The following XIRP2 variants were observed in gnomAD, a reference collection of about 807,000 sequenced individuals.
XIRP2 encodes the protein xin actin-binding repeat-containing protein 2.
Under a neutral mutation model 277.0 loss-of-function variants are expected in XIRP2, and 236 were observed. The ratio of observed to expected loss-of-function variants is 0.85; its 90% CI spans 0.77 to 0.95. XIRP2 has a LOEUF of 0.95. Among genes scored for constraint, XIRP2 ranks in the 40% least tolerant of loss-of-function variants. The pLI, the probability that XIRP2 is intolerant of heterozygous loss-of-function variation, is 0.00. For synonymous variants in XIRP2, 1,490 were observed against 1,416.5 expected (o/e 1.05, Z -1.17); for missense variants, 4,640 against 4,157.5 (o/e 1.12, Z -3.19).
chr2:167,170,120 A>T (rs1207280195), intron 3 of XIRP2, among the ~76,000 whole-genome samples: 1 of 152,184 alleles, frequency 6.6e-6, no homozygotes, highest in African/African-American at 2.4e-5. Context: ...AATGCTGCCA[A>T]GTACGTTTCT....
At chr2:166,910,152 T>A (rs1034223937) in intron 2 of XIRP2, among the ~76,000 whole-genome samples, 3 of 152,204 alleles carry the variant, frequency 2.0e-5, no homozygotes, top group Admixed American at 6.5e-5. Flanking sequence ...GGATTCCCTC[T>A]TTTTCTATTG....
Position 166,903,570 on chromosome 2 carries a change from G to A in XIRP2, c.88G>A (p.Asp30Asn). Reference protein sequence around the residue: ...DYQRSECHPRDSHCTIFQPQE... With the variant: ...DYQRSECHPRNSHCTIFQPQE... Reference sequence around the variant, plus strand: ...TCAGAGAAGTGAGTGTCATCCCAGGGACAGCCATTGTACAATTTTCCAGCC... The same window carrying A: ...TCAGAGAAGTGAGTGTCATCCCAGGAACAGCCATTGTACAATTTTCCAGCC... Residue 30 changes from aspartate (D) to asparagine (N), a missense_variant, in exon 2 of 11, where the codon GAC becomes AAC. Transcript: ENST00000409195. The A allele has an allele frequency of 1.9e-6, 3 of 1,613,624 alleles. No homozygotes were observed. The highest frequency in any genetic ancestry group is 2.7e-5 in the African/African-American group (2 of 75,004).
At chr2:167,166,032 G>A (rs1427597615) in intron 3 of XIRP2, among the ~76,000 whole-genome samples, 1 of 152,056 alleles carries the variant, frequency 6.6e-6, no homozygotes, top group East Asian at 1.9e-4. Context: ...TTTATGTCTA[G>A]CTTAATTTTT....
chr2:167,135,320 T>C (rs1374118584), intron 2 of XIRP2, among the ~76,000 whole-genome samples: 1 of 152,118 alleles, frequency 6.6e-6, no homozygotes, highest in Non-Finnish European at 1.5e-5. Flanking sequence ...GTTGGAAATA[T>C]CCTTTATATT....
At chr2:166,999,900 C>T (rs1416081822) in intron 2 of XIRP2, among the ~76,000 whole-genome samples, 1 of 151,838 alleles carries the variant, frequency 6.6e-6, no homozygotes, top group Non-Finnish European at 1.5e-5. Flanking sequence ...TTCCTTGTAG[C>T]TAGAAGAAAA....
chr2:167,245,779 G>A lies in XIRP2; in HGVS notation c.4387G>A (p.Glu1463Lys). 1 of 1,613,756 alleles carries A rather than the reference G, an allele frequency of 6.2e-7. No individual in the cohort carries two copies. Among genetic ancestry groups the A allele is most frequent in the Non-Finnish European group, 8.5e-7 (1 of 1,179,778 alleles). ...TWLFETHTMD[E>K]LRGEGLEYEN... ...GCTATTTGAAACCCACACTATGGAT[G>A]AACTGAGAGGAGAAGGGTTAGAATA... is the stretch of plus-strand genomic sequence containing the variant. The change falls in exon 9 of 11, where the codon GAA becomes AAA. Residue 1463 changes from glutamate (E) to lysine (K), a missense_variant. Transcript: ENST00000409195.
intron 2 of XIRP2, among the ~76,000 whole-genome samples, chr2:167,094,203 G>C (rs1453375264): frequency 6.6e-6 from 1 of 152,132 alleles, no homozygotes; most frequent in Non-Finnish European, 1.5e-5. Flanking sequence ...GTTCCTTGTA[G>C]ATTCTGGATA....
At chr2:167,061,520 A>C (rs1176841486) in intron 2 of XIRP2, among the ~76,000 whole-genome samples, 1 of 152,120 alleles carries the variant, frequency 6.6e-6, no homozygotes. Flanking sequence ...TTGTAGATTG[A>C]ATTGTGTCTT....
intron 2 of XIRP2, among the ~76,000 whole-genome samples, chr2:166,936,861 T>C (rs1339297598): frequency 6.6e-6 from 1 of 152,218 alleles, no homozygotes; most frequent in Admixed American, 6.5e-5. Flanking sequence ...CCTCCAGCCT[T>C]GTTCTTTTGG....
At chr2:167,209,007 G>T (rs1693942844) in intron 3 of XIRP2, among the ~76,000 whole-genome samples, 1 of 152,168 alleles carries the variant, frequency 6.6e-6, no homozygotes, top group African/African-American at 2.4e-5. Context: ...TCAGTGATTT[G>T]TGGGAATCTC....
intron 3 of XIRP2, among the ~76,000 whole-genome samples, chr2:167,164,695 A>C (rs1692471354): frequency 6.6e-6 from 1 of 152,140 alleles, no homozygotes; most frequent in Non-Finnish European, 1.5e-5. Flanking sequence ...ATTCACCTCC[A>C]GTATATTATC....
chr2:167,134,614 C>T (rs917133049), intron 2 of XIRP2, among the ~76,000 whole-genome samples: 2 of 151,928 alleles, frequency 1.3e-5, no homozygotes, highest in African/African-American at 4.8e-5. Context: ...GTTACAAGGC[C>T]CTTAGTGGAT....
intron 2 of XIRP2, among the ~76,000 whole-genome samples, chr2:167,075,239 A>G (rs1273158785): frequency 6.6e-6 from 1 of 152,166 alleles, no homozygotes; most frequent in African/African-American, 2.4e-5. Flanking sequence ...AAGGCAGGGA[A>G]AAAGCATGAC....
chr2:167,068,141 T>A (rs1689344363), intron 2 of XIRP2, among the ~76,000 whole-genome samples: 1 of 152,212 alleles, frequency 6.6e-6, no homozygotes, highest in Admixed American at 6.5e-5. Flanking sequence ...TAATGTCTTG[T>A]ATTACATTTC....
At chr2:166,916,658 T>G (rs2105353049) in intron 2 of XIRP2, among the ~76,000 whole-genome samples, 1 of 152,312 alleles carries the variant, frequency 6.6e-6, no homozygotes, top group Non-Finnish European at 1.5e-5. Flanking sequence ...AATAGTTTTT[T>G]ATAGAGCTGA....
chr2:166,970,575 T>G (rs1383660317), intron 2 of XIRP2, among the ~76,000 whole-genome samples: 1 of 151,954 alleles, frequency 6.6e-6, no homozygotes, highest in African/African-American at 2.4e-5. Flanking sequence ...TGAACTATTC[T>G]CATTTCTAGA....
intron 5 of XIRP2, among the ~76,000 whole-genome samples, chr2:167,228,156 C>T (rs1009782069): frequency 7.9e-5 from 12 of 152,164 alleles, no homozygotes; most frequent in African/African-American, 2.9e-4. Context: ...CTTCTGTGTT[C>T]TACTAACATG....
intron 2 of XIRP2, among the ~76,000 whole-genome samples, chr2:167,131,732 CT>C (rs1346267735): frequency 6.6e-6 from 1 of 152,106 alleles, no homozygotes; most frequent in Non-Finnish European, 1.5e-5. Context: ...TACTCTCCCC[CT>C]AAGCAAGTTC....
intron 2 of XIRP2, among the ~76,000 whole-genome samples, chr2:166,998,277 C>T (rs12621428): frequency 0.53 from 79,949 of 151,880 alleles, 23,080 homozygotes; most frequent in East Asian, 0.82. Flanking sequence ...CAAAATTAAA[C>T]TAAAAAAAAT....
Sources: allele counts gnomAD v4.1 joint callset (sites outside exome capture counted in the v4.1 genomes callset), GRCh38; gene constraint gnomAD v4.1.1; transcripts MANE v1.5; gene names NCBI Gene and HGNC (gene_info 2026-07-23, HGNC 2026-07-21).